Variants in ACOX2 observed in about 807,000 individuals in gnomAD.
ACOX2 encodes the protein acyl-CoA oxidase 2.
ACOX2 carries 59 observed loss-of-function variants against 77.5 expected under a neutral mutation model. That is an observed-to-expected ratio of 0.76 (90% CI 0.62 to 0.95). The LOEUF (loss-of-function observed/expected upper bound fraction) is 0.95, where lower values mean the gene tolerates loss of function less well. ACOX2 is among the 40% of genes least tolerant of loss of function. The pLI, the probability that ACOX2 is intolerant of heterozygous loss-of-function variation, is 0.00. For missense variants in ACOX2, 837 were observed against 880.4 expected (o/e 0.95, Z 0.62); for synonymous variants, 317 against 340.1 (o/e 0.93, Z 0.75).
Position 58,533,971 on chromosome 3 carries a change from C to T in ACOX2, c.475+23G>A. On this transcript the variant is annotated intron_variant, in intron 4 of 14. Transcript: ENST00000302819. This position sits in a 1 kb window ranked among gnomAD's most constrained non-coding sequence, Gnocchi z 5.6. Reference sequence around the variant, plus strand: ...GTTTTGCAGTGCACAACCTAAACACCACACGCAGCAGTCCTAGCTCACCAT... The same window carrying T: ...GTTTTGCAGTGCACAACCTAAACACTACACGCAGCAGTCCTAGCTCACCAT... 6.2e-7 allele frequency: 1 copy of T among 1,613,474 alleles called. No individual in the cohort carries two copies. The highest frequency in any genetic ancestry group is 8.5e-7 in the Non-Finnish European group (1 of 1,179,654).
Position 58,533,621 on chromosome 3 carries a change from G to T in ACOX2, c.476-69C>A. ...TTCTTACCTGTGAAGCTGCTTCTAG[G>T]TGGGTCTGAACTCTTAGGCATCAGC... On this transcript the variant is annotated intron_variant, in intron 4 of 14. Coordinates refer to ENST00000302819, the MANE Select transcript of ACOX2 (RefSeq NM_003500.4). This position sits in a 1 kb window ranked among gnomAD's most constrained non-coding sequence, Gnocchi z 5.6. The T allele has an allele frequency of 6.8e-7, 1 of 1,476,252 alleles. No homozygotes were observed. Among genetic ancestry groups the T allele is most frequent in the Non-Finnish European group, 9.5e-7 (1 of 1,056,900 alleles). 91.4% of individuals were successfully genotyped at this position (1,476,252 alleles called of 1,614,324 possible).
Position 58,529,104 on chromosome 3 carries a change from A to T in ACOX2, c.993-148T>A, listed in dbSNP as rs543193090. On this transcript the variant is annotated intron_variant, in intron 8 of 14. Transcript: ENST00000302819. The stretch of plus-strand genomic sequence containing the variant: ...GACATGAGGCCATTGATAATCCTTT[A>T]AAAATCCCATCTAACATGAACATCC... 10 of 737,278 alleles carry T rather than the reference A, an allele frequency of 1.4e-5. No individual in the cohort carries two copies. In the African/African-American group the frequency reaches 1.8e-4, roughly 13 times the overall value. The allele number at this position is 737,278 out of a possible 1,614,324, so 45.7% of individuals were successfully genotyped here. A position where few individuals can be genotyped will look rare whatever the true frequency, so the allele number is the denominator to read the frequency against.
At position 58,519,929 on chromosome 3, in the gene ACOX2, A is replaced by G. The variant is rs960786612; in HGVS notation, c.1633-2506T>C. Among the ~76,000 whole-genome samples, 3 of 152,198 alleles carry G rather than the reference A, an allele frequency of 2.0e-5. No homozygotes were observed. Among genetic ancestry groups the G allele is most frequent in the Admixed American group, 6.5e-5 (1 of 15,282 alleles). On this transcript the variant is annotated intron_variant, in intron 12 of 14. Coordinates refer to ENST00000302819, the MANE Select transcript of ACOX2 (RefSeq NM_003500.4). The surrounding 1 kb of genome is among the most constrained non-coding windows in gnomAD (Gnocchi z 5.0). ...CCTAATCTGAGAGCCACATCCTCAA[A>G]TGCTCAAGGCTCTGAGTTGAGGAGT...
At chr3:58,527,954 G>A (rs1470967660) in intron 9 of ACOX2, among the ~76,000 whole-genome samples, 1 of 150,764 alleles carries the variant, frequency 6.6e-6, no homozygotes, top group Non-Finnish European at 1.5e-5. Context: ...CAATCCTCCT[G>A]CCCTGGCCTC....
chr3:58,507,229 C>G (rs1217039922), intron 14 of ACOX2, among the ~76,000 whole-genome samples: 1 of 152,186 alleles, frequency 6.6e-6, no homozygotes, highest in African/African-American at 2.4e-5. Context: ...TTCATTTATT[C>G]CATAGACGTG....
Position 58,531,957 on chromosome 3 carries a change from C to T in ACOX2, c.584-145G>A, listed in dbSNP as rs2063443629. The T allele has an allele frequency of 7.8e-7, 1 of 1,286,106 alleles. No individual in the cohort carries two copies. The highest frequency in any genetic ancestry group is 2.7e-5 in the East Asian group (1 of 37,412). The allele number at this position is 1,286,106 out of a possible 1,614,324, so 79.7% of individuals were successfully genotyped here. ...TGATCAAAGAGAGAGGGGATTGCCCCCAAAGAACCAAGCAAACCTAGCAGC... is the reference window on the plus strand; with the variant it reads ...TGATCAAAGAGAGAGGGGATTGCCCTCAAAGAACCAAGCAAACCTAGCAGC... On this transcript the variant is annotated intron_variant, in intron 5 of 14. Transcript: ENST00000302819. The surrounding 1 kb of genome is among the most constrained non-coding windows in gnomAD (Gnocchi z 5.8).
At position 58,523,773 on chromosome 3, in the gene ACOX2, G is replaced by A. The variant is rs766926323; in HGVS notation, c.1526+653C>T. On this transcript the variant is annotated intron_variant, in intron 11 of 14. Transcript: ENST00000302819. The surrounding 1 kb of genome is among the most constrained non-coding windows in gnomAD (Gnocchi z 5.3). ...CTGTTTTCGGTGTTTTAATTTGGGG[G>A]CAGCATTCAGAACGTTTTCTTTTTA... is the stretch of plus-strand genomic sequence containing the variant. Among the ~76,000 whole-genome samples the A allele has an allele frequency of 1.3e-5, 2 of 152,072 alleles. No homozygotes were observed. The highest frequency in any genetic ancestry group is 2.9e-5 in the Non-Finnish European group (2 of 68,026).
At chr3:58,510,587 C>T (rs372823033) in intron 13 of ACOX2, among the ~76,000 whole-genome samples, 6 of 129,410 alleles carry the variant, frequency 4.6e-5, no homozygotes, top group African/African-American at 1.8e-4. Flanking sequence ...GAGCTGAGAT[C>T]GTGCCGCTGC....
Position 58,526,509 on chromosome 3 carries a change from T to C in ACOX2, c.1303A>G (p.Thr435Ala). The change falls in exon 10 of 15, where the codon ACC (threonine) becomes GCC (alanine). Residue 435 changes from threonine to alanine, a missense_variant. Coordinates refer to ENST00000302819, the MANE Select transcript of ACOX2 (RefSeq NM_003500.4). The surrounding 1 kb of genome is among the most constrained non-coding windows in gnomAD (Gnocchi z 4.3). The part of the protein sequence containing the change: ...SLVTKLSASC[T>A]YEGENTVLYL... Reference sequence around the variant, plus strand: ...AGCACTGTGTTCTCACCCTCGTAGGTACAGGAGGCCGACAATTTGGTGACC... The same window carrying C: ...AGCACTGTGTTCTCACCCTCGTAGGCACAGGAGGCCGACAATTTGGTGACC... 1 of 1,614,144 alleles carries C rather than the reference T, an allele frequency of 6.2e-7. No homozygotes were observed. Among genetic ancestry groups the C allele is most frequent in the Non-Finnish European group, 8.5e-7 (1 of 1,180,018 alleles).
intron 13 of ACOX2, chr3:58,511,170 A>G (rs1204661356): frequency 5.2e-6 from 2 of 382,792 alleles, no homozygotes; most frequent in Non-Finnish European, 1.0e-5. Context: ...CTTGTCTACT[A>G]GATGTCTTTT....
rs1035029142 is a variant in ACOX2, at chr3:58,526,802, A to G, written c.1156-146T>C. 19 of 852,812 alleles carry G rather than the reference A, an allele frequency of 2.2e-5. No individual in the cohort carries two copies. In the Middle Eastern group the frequency reaches 1.5e-3, roughly 66 times the overall value. The allele number at this position is 852,812 out of a possible 1,614,324, so 52.8% of individuals were successfully genotyped here. A position where few individuals can be genotyped will look rare whatever the true frequency, so the allele number is the denominator to read the frequency against. ...TCCTCTGCTCACAACTTTATGAATG[A>G]GAAGGCGGGTACTCAGCTTATGTGA... On this transcript the variant is annotated intron_variant, in intron 9 of 14. Coordinates refer to ENST00000302819, the MANE Select transcript of ACOX2 (RefSeq NM_003500.4). The surrounding 1 kb of genome is among the most constrained non-coding windows in gnomAD (Gnocchi z 4.3).
In ACOX2 at chr3:58,517,442, A is replaced by T. The variant is rs773735722; in HGVS notation, c.1633-19T>A. 3 of 1,609,842 alleles carry T rather than the reference A, an allele frequency of 1.9e-6. No homozygotes were observed. The highest frequency in any genetic ancestry group is 4.5e-5 in the East Asian group (2 of 44,822). ...AGTGCACCTACAAAGACACAAAGAT[A>T]TGTTCTCCTGATTTCTGGTTTTCTA... On this transcript the variant is annotated intron_variant, in intron 12 of 14. Transcript: ENST00000302819.
chr3:58,516,894 G>A (rs1443945004), intron 13 of ACOX2, among the ~76,000 whole-genome samples: 4 of 152,052 alleles, frequency 2.6e-5, no homozygotes, highest in Non-Finnish European at 5.9e-5. Context: ...TAGCACATTA[G>A]CACATATCAT....
chr3:58,529,562 G>A (rs930703361), intron 8 of ACOX2, among the ~76,000 whole-genome samples: 4 of 152,270 alleles, frequency 2.6e-5, no homozygotes, highest in East Asian at 1.9e-4. Context: ...CTTACCTGGC[G>A]CATCTTTCTT....
chr3:58,531,338 C>T lies in ACOX2; in HGVS notation c.732G>A (p.Lys244=), dbSNP rs1166764468. The change falls in exon 7 of 15, where the codon AAG becomes AAA. Residue 244 remains lysine (K), a synonymous_variant. Coordinates refer to ENST00000302819, the MANE Select transcript of ACOX2 (RefSeq NM_003500.4). The surrounding 1 kb of genome is among the most constrained non-coding windows in gnomAD (Gnocchi z 5.8). Reference sequence around the variant, plus strand: ...CATTGTCTGTTTGATCAAAGTCCATCTTGGGTCCGATGTCCCCAATGATGA... The same window carrying T: ...CATTGTCTGTTTGATCAAAGTCCATTTTGGGTCCGATGTCCCCAATGATGA... ...PGIIIGDIGP[K]MDFDQTDNGF... is the part of the protein sequence containing the mutation. 22 of 1,613,958 alleles carry T rather than the reference C, an allele frequency of 1.4e-5. No homozygotes were observed. The highest frequency in any genetic ancestry group is 1.9e-5 in the Non-Finnish European group (22 of 1,180,022).
rs948841127 is a variant in ACOX2 at position 58,530,522 on chromosome 3, G to A, written c.936C>T (p.Ala312=). ...CCGAGTAGCGCATGGCGATGACACA[G>A]GCCTTCTGCAGTATAGGGAGGATCT... is the stretch of plus-strand genomic sequence containing the variant. ...SGEILPILQK[A]CVIAMRYSVI... is the part of the protein sequence containing the mutation. Residue 312 remains alanine (A), a synonymous_variant, in exon 8 of 15, where the codon GCC becomes GCT. Transcript: ENST00000302819. 3 of 1,614,146 alleles carry A rather than the reference G, an allele frequency of 1.9e-6. No homozygotes were observed. The African/African-American group carries it at 4.0e-5, about 22-fold the overall frequency.
rs1029886640 is a variant in ACOX2 at position 58,525,389 on chromosome 3, G to T, written c.1347-784C>A. Among the ~76,000 whole-genome samples the T allele has an allele frequency of 6.6e-6, 1 of 152,216 alleles. No homozygotes were observed. Among genetic ancestry groups the T allele is most frequent in the Non-Finnish European group, 1.5e-5 (1 of 68,042 alleles). ...GCATTTGCCCTGTTTGTTCACCTGA[G>T]AATAGGTGAGGATGAGGCTCTGTCG... On this transcript the variant is annotated intron_variant, in intron 10 of 14. Coordinates refer to ENST00000302819, the MANE Select transcript of ACOX2 (RefSeq NM_003500.4). The surrounding 1 kb of genome is among the most constrained non-coding windows in gnomAD (Gnocchi z 5.0).
At chr3:58,530,336 G>C in intron 8 of ACOX2, 130 bp downstream of exon 8, 1 of 1,308,372 alleles carries the variant, frequency 7.6e-7, no homozygotes, top group Non-Finnish European at 1.1e-6. Flanking sequence ...GTGTTTGTGT[G>C]TGTGTATGTG....
At position 58,505,259 on chromosome 3, in the gene ACOX2, TTA is replaced by T. The variant is rs2063225915; in HGVS notation, c.2009_2010del (p.Ile670LysfsTer14). The T allele has an allele frequency of 1.2e-6, 2 of 1,613,294 alleles. No individual in the cohort carries two copies. Among genetic ancestry groups the T allele is most frequent in the East Asian group, 4.5e-5 (2 of 44,806 alleles). ...TQENPAYEEY[I>X]RPLLQSWRSK... is the part of the protein sequence containing the mutation. The stretch of plus-strand genomic sequence containing the variant: ...GATCTCCAACTTTGTAAAAGTGGTC[TTA>T]TATATTCCTCATAGGCAGGGTTCTC... On this transcript the variant is annotated frameshift_variant, in exon 15 of 15. Transcript: ENST00000302819. LOFTEE classifies it high-confidence loss of function. This position sits in a 1 kb window ranked among gnomAD's most constrained non-coding sequence, Gnocchi z 4.4.
Sources: allele counts gnomAD v4.1 joint callset (sites outside exome capture counted in the v4.1 genomes callset), GRCh38; gene constraint gnomAD v4.1.1; non-coding constraint Gnocchi (gnomAD v3.1); transcripts MANE v1.5; gene names NCBI Gene and HGNC (gene_info 2026-07-23, HGNC 2026-07-21).